CHL1: variants seen among roughly 807,000 people sequenced by gnomAD.
CHL1 encodes the protein cell adhesion molecule L1 like.
In CHL1, 96 loss-of-function variants were observed where a neutral mutation model predicts 141.9. That is an observed-to-expected ratio of 0.68 (90% CI 0.57 to 0.80). CHL1 has a LOEUF of 0.80. Ranked by LOEUF, CHL1 falls within the 30% of genes least tolerant of loss-of-function variation. The pLI is 0.00. For synonymous variants in CHL1, 613 were observed against 502.2 expected, an observed-to-expected ratio of 1.22 and a Z score of -2.95; for missense variants, 1,820 against 1,457.2, an observed-to-expected ratio of 1.25 and a Z score of -4.05.
intron 1 of CHL1, among the ~76,000 whole-genome samples, chr3:238,002 A>G (rs1692163384): frequency 6.6e-6 from 1 of 152,174 alleles, no homozygotes; most frequent in South Asian, 2.1e-4. Flanking sequence ...TTAACAAAGT[A>G]TCGTATTTTT....
At chr3:383,174 C>G (rs1187329305) in intron 18 of CHL1, among the ~76,000 whole-genome samples, 5 of 152,116 alleles carry the variant, frequency 3.3e-5, no homozygotes, top group African/African-American at 7.2e-5. Flanking sequence ...AATAAATACT[C>G]TAGGACATAA....
chr3:338,933 A>G (rs775856251), intron 5 of CHL1, among the ~76,000 whole-genome samples: 1 of 152,188 alleles, frequency 6.6e-6, no homozygotes, highest in Non-Finnish European at 1.5e-5. Flanking sequence ...CAGCTCTCCA[A>G]TTAGGGATTT....
rs79822706 is a variant in CHL1 at position 333,330 on chromosome 3, T to C, written c.385+4976T>C. On this transcript the variant is annotated intron_variant, in intron 5 of 27. Transcript: ENST00000256509. ...AAAGCTTCCTACAATCTTTAATCGA[T>C]TCTTCTCTTAAACTGTAGAGAATTG... 3.5e-3 allele frequency among the ~76,000 whole-genome samples: 527 copies of C among 152,128 alleles called. 5 individuals carry two copies. Among genetic ancestry groups the C allele is most frequent in the African/African-American group, 0.012 (490 of 41,514 alleles).
intron 1 of CHL1, among the ~76,000 whole-genome samples, chr3:215,489 A>G (rs569215723): frequency 6.6e-6 from 1 of 152,324 alleles, no homozygotes; most frequent in South Asian, 2.1e-4. Flanking sequence ...GTTCTATAGC[A>G]TAGTTGGGTG....
chr3:287,567 A>G (rs1559203405), intron 2 of CHL1, among the ~76,000 whole-genome samples: 2 of 152,204 alleles, frequency 1.3e-5, no homozygotes, highest in Admixed American at 1.3e-4. Flanking sequence ...TACTCAGATA[A>G]TAAATGCCAG....
chr3:322,522 T>C (rs1178481427), intron 3 of CHL1, among the ~76,000 whole-genome samples: 1 of 150,748 alleles, frequency 6.6e-6, no homozygotes, highest in Non-Finnish European at 1.5e-5. Flanking sequence ...ACAAAAGTAA[T>C]GAGGGCTGGG....
At chr3:219,621 C>T (rs1193107921) in intron 1 of CHL1, among the ~76,000 whole-genome samples, 3 of 152,146 alleles carry the variant, frequency 2.0e-5, no homozygotes, top group African/African-American at 7.2e-5. Context: ...TGCATGTTCT[C>T]ACTTATAAGT....
chr3:270,523 C>A (rs1460212326), intron 2 of CHL1, among the ~76,000 whole-genome samples: 2 of 152,174 alleles, frequency 1.3e-5, no homozygotes, highest in Admixed American at 6.5e-5. Context: ...GATCCGGGTG[C>A]AAAAGAATGA....
chr3:399,021 T>C lies in CHL1; in HGVS notation c.3258T>C (p.Tyr1086=). ...TGACTTCTCTTTCTACCACAGAATA[T>C]GCTGGTTTATATGATGACATCTCCA... is the stretch of plus-strand genomic sequence containing the variant. ...QDVIETRGRE[Y]AGLYDDISTQ... Residue 1086 remains tyrosine (Y), a synonymous_variant, in exon 26 of 28, where the codon TAT becomes TAC. Transcript: ENST00000256509. 1.2e-6 allele frequency: 2 copies of C among 1,613,454 alleles called. No homozygotes were observed. Among genetic ancestry groups the C allele is most frequent in the Non-Finnish European group, 1.7e-6 (2 of 1,179,442 alleles).
At chr3:201,812 G>C (rs893641752) in intron 1 of CHL1, among the ~76,000 whole-genome samples, 8 of 152,102 alleles carry the variant, frequency 5.3e-5, no homozygotes, top group African/African-American at 1.9e-4. Flanking sequence ...TTCCCCTATA[G>C]TTGTGGAGGT....
intron 1 of CHL1, among the ~76,000 whole-genome samples, chr3:229,590 C>G (rs773770960): frequency 2.0e-5 from 3 of 152,002 alleles, no homozygotes; most frequent in Non-Finnish European, 2.9e-5. Context: ...CTTGTGTATT[C>G]GGAAGAATTA....
At chr3:198,548 A>G (rs899929031) in intron 1 of CHL1, among the ~76,000 whole-genome samples, 2 of 152,166 alleles carry the variant, frequency 1.3e-5, no homozygotes, top group Admixed American at 1.3e-4. Context: ...TCCCTTTCTC[A>G]ATAATACGGA....
rs1176263059 is a variant in CHL1 at position 328,334 on chromosome 3, A to AAAT, written c.367_369dup (p.Ile123dup). The stretch of plus-strand genomic sequence containing the variant: ...AAACTGGGAATCGCTATGTCAGAAG[A>AAAT]AATAGAATTTATAGTTCCAAGTAAG... On this transcript the variant is annotated inframe_insertion, in exon 5 of 28. Coordinates refer to ENST00000256509, the MANE Select transcript of CHL1 (RefSeq NM_006614.4). 1.2e-6 allele frequency: 2 copies of AAAT among 1,611,148 alleles called. No homozygotes were observed. Among genetic ancestry groups the AAAT allele is most frequent in the African/African-American group, 2.7e-5 (2 of 74,772 alleles).
chr3:250,809 G>T (rs538085466), intron 2 of CHL1, among the ~76,000 whole-genome samples: 4 of 152,264 alleles, frequency 2.6e-5, no homozygotes, highest in African/African-American at 7.2e-5. Context: ...TAAAATGACA[G>T]TGAAAAGGAA....
chr3:359,481 T>G (rs1704016468), intron 11 of CHL1, among the ~76,000 whole-genome samples: 1 of 152,048 alleles, frequency 6.6e-6, no homozygotes, highest in African/African-American at 2.4e-5. Flanking sequence ...TTTTGTATTT[T>G]TAGTGGAGAC....
chr3:289,931 CTTTTTTTTTTT>C (rs769872997), intron 2 of CHL1, among the ~76,000 whole-genome samples: 1 of 102,780 alleles, frequency 9.7e-6, no homozygotes, highest in Non-Finnish European at 1.9e-5. Context: ...CCACTGGTAT[CTTTTTTTTTTT>C]TTTTTTTTTT....
chr3:307,365 G>A (rs1461497714), intron 2 of CHL1, among the ~76,000 whole-genome samples: 1 of 152,190 alleles, frequency 6.6e-6, no homozygotes, highest in African/African-American at 2.4e-5. Context: ...CCTGTATTCT[G>A]TCAGCTTGAT....
In CHL1 at chr3:398,405, T is replaced by A. The variant is rs6771803; in HGVS notation, c.3253+20T>A. 0.99 allele frequency: 1,535,681 copies of A among 1,543,792 alleles called. 764,150 individuals are homozygous for A. The highest frequency in any genetic ancestry group is 1 in the East Asian group (44,375 of 44,376). On this transcript the variant is annotated intron_variant, in intron 25 of 27. Coordinates refer to ENST00000256509, the MANE Select transcript of CHL1 (RefSeq NM_006614.4). ...GGAGAGGTGAGAAATGAGATTATAT[T>A]TGGGGAAGTCTTAGTCAATCTATGT...
At chr3:287,427 C>T (rs1466885872) in intron 2 of CHL1, among the ~76,000 whole-genome samples, 3 of 152,130 alleles carry the variant, frequency 2.0e-5, no homozygotes, top group African/African-American at 7.2e-5. Flanking sequence ...TTTTCACCTG[C>T]TCTTATATAA....
Sources: allele counts gnomAD v4.1 joint callset (sites outside exome capture counted in the v4.1 genomes callset), GRCh38; gene constraint gnomAD v4.1.1; transcripts MANE v1.5; gene names NCBI Gene and HGNC (gene_info 2026-07-23, HGNC 2026-07-21).